AKAP13: variants seen among roughly 807,000 people sequenced by gnomAD.
The protein encoded by AKAP13 is A-kinase anchor protein 13.
Under a neutral mutation model 264.5 loss-of-function variants are expected in AKAP13, and 80 were observed. That is an observed-to-expected ratio of 0.30 (90% CI 0.25 to 0.36). The LOEUF is 0.36. Among genes scored for constraint, AKAP13 ranks in the 10% least tolerant of loss-of-function variants. The pLI, the probability that AKAP13 is intolerant of heterozygous loss-of-function variation, is 1.00. For missense variants in AKAP13, 3,712 were observed against 3,435.2 expected (o/e 1.08, Z -2.01); for synonymous variants, 1,380 against 1,250.2 (o/e 1.10, Z -2.19).
intron 4 of AKAP13, among the ~76,000 whole-genome samples, chr15:85,539,021 C>T (rs1260588304): frequency 9.3e-5 from 14 of 150,866 alleles, no homozygotes; most frequent in Non-Finnish European, 1.5e-4. Context: ...TTGGTAGAGA[C>T]GGGGTTTCAC....
intron 2 of AKAP13, among the ~76,000 whole-genome samples, chr15:85,495,940 A>G (rs944039527): frequency 6.6e-6 from 1 of 152,160 alleles, no homozygotes. Context: ...CAAAATCTCC[A>G]GTGATTTTAA....
At chr15:85,541,208 A>G (rs1223252512) in intron 4 of AKAP13, among the ~76,000 whole-genome samples, 1 of 152,258 alleles carries the variant, frequency 6.6e-6, no homozygotes, top group East Asian at 1.9e-4. Flanking sequence ...GTAACTACAT[A>G]TTGAATGCTA....
intron 9 of AKAP13, among the ~76,000 whole-genome samples, chr15:85,640,743 T>A (rs2082270381): frequency 6.6e-6 from 1 of 152,148 alleles, no homozygotes; most frequent in African/African-American, 2.4e-5. Flanking sequence ...AAAAGTGTAA[T>A]TAAAACCACC....
chr15:85,575,408 C>T (rs1014345415), intron 6 of AKAP13, 79 bp downstream of exon 6: 11 of 1,358,488 alleles, frequency 8.1e-6, no homozygotes, highest in Middle Eastern at 2.2e-4. Context: ...CGCCCTCCTC[C>T]AATGAACCTT....
rs376770235 is a variant in AKAP13, at chr15:85,512,390, C to T, written c.34-9038C>T. 1.8e-4 allele frequency among the ~76,000 whole-genome samples: 28 copies of T among 152,288 alleles called. No homozygotes were observed. The East Asian group carries it at 4.8e-3, about 26-fold the overall frequency. On this transcript the variant is annotated intron_variant, in intron 2 of 36. Coordinates refer to ENST00000394518, the MANE Select transcript of AKAP13 (RefSeq NM_007200.5). ...TCCACCTCCAGACTCTTCCATCTTT[C>T]TTGTTCTTAGCACCCTCTTTCTCCT... is the stretch of plus-strand genomic sequence containing the variant.
intron 1 of AKAP13, among the ~76,000 whole-genome samples, chr15:85,382,997 T>C (rs965530962): frequency 1.2e-4 from 18 of 152,194 alleles, no homozygotes; most frequent in African/African-American, 4.1e-4. Context: ...TGGGTTTAAC[T>C]AGCGCTCTAA....
chr15:85,583,260 AG>A, intron 7 of AKAP13: 1 of 832,050 alleles, frequency 1.2e-6, no homozygotes, highest in Non-Finnish European at 1.4e-6. Context: ...AATGTGGGGG[AG>A]GGTTATGGAG....
At chr15:85,711,497 T>C (rs2086632879) in intron 19 of AKAP13, among the ~76,000 whole-genome samples, 1 of 152,246 alleles carries the variant, frequency 6.6e-6, no homozygotes, top group Non-Finnish European at 1.5e-5. Flanking sequence ...CTTATGCTTA[T>C]ATGTTCTGCT....
At chr15:85,588,431 G>T (rs1424786176) in intron 8 of AKAP13, among the ~76,000 whole-genome samples, 1 of 152,154 alleles carries the variant, frequency 6.6e-6, no homozygotes, top group Non-Finnish European at 1.5e-5. Context: ...CTTAGAAAGG[G>T]AAGGAAAAAA....
Position 85,744,370 on chromosome 15 carries a change from A to T in AKAP13, c.8393-258A>T. On this transcript the variant is annotated intron_variant, in intron 36 of 36. Coordinates refer to ENST00000394518, the MANE Select transcript of AKAP13 (RefSeq NM_007200.5). ...CTCTCCTTTCTGTGTGGGAGGTTAA[A>T]GAAAAAGTACATTTTCCTGGCCTCT... 1.3e-5 allele frequency: 6 copies of T among 466,934 alleles called. No individual in the cohort carries two copies. The South Asian group carries it at 1.3e-4, about 10-fold the overall frequency. The allele number at this position is 466,934 out of a possible 1,614,324, so 28.9% of individuals were successfully genotyped here.
chr15:85,698,113 A>T (rs2085668940), intron 17 of AKAP13, among the ~76,000 whole-genome samples: 1 of 152,224 alleles, frequency 6.6e-6, no homozygotes, highest in Non-Finnish European at 1.5e-5. Context: ...CAATTTAAAT[A>T]TCCATCCATA....
chr15:85,442,487 T>G (rs866890032), intron 1 of AKAP13, among the ~76,000 whole-genome samples: 1 of 109,916 alleles, frequency 9.1e-6, no homozygotes, highest in Non-Finnish European at 1.8e-5. Flanking sequence ...ATATAATATA[T>G]ATAATATATA....
At chr15:85,387,024 T>C (rs2070599904) in intron 1 of AKAP13, among the ~76,000 whole-genome samples, 1 of 152,176 alleles carries the variant, frequency 6.6e-6, no homozygotes, top group African/African-American at 2.4e-5. Context: ...TTTTTCTTTT[T>C]CTTTTTTTTC....
At chr15:85,634,973 T>C in intron 8 of AKAP13, 2 of 396,576 alleles carry the variant, frequency 5.0e-6, no homozygotes, top group Non-Finnish European at 8.9e-6. Context: ...CATTTACCAT[T>C]TGATGGCAAT....
At chr15:85,674,842 A>C (rs338517) in intron 14 of AKAP13, among the ~76,000 whole-genome samples, 1 of 140,518 alleles carries the variant, frequency 7.1e-6, no homozygotes, top group Admixed American at 7.3e-5. Flanking sequence ...GTGTGTGTGT[A>C]TATATATATG....
At position 85,718,809 on chromosome 15, in the gene AKAP13, A is replaced by G; in HGVS notation, c.6002-267A>G. The G allele has an allele frequency of 2.5e-6, 1 of 406,268 alleles. No homozygotes were observed. The highest frequency in any genetic ancestry group is 4.5e-6 in the Non-Finnish European group (1 of 219,842). The allele number at this position is 406,268 out of a possible 1,614,324, so 25.2% of individuals were successfully genotyped here. On this transcript the variant is annotated intron_variant, in intron 22 of 36. Transcript: ENST00000394518. This position sits in a 1 kb window ranked among gnomAD's most constrained non-coding sequence, Gnocchi z 4.9. ...CAGCTGCTCGAGAGGCTAAAGCAGA[A>G]AGATCGCTTGAGCCCAGGAGGTTGA... is the stretch of plus-strand genomic sequence containing the variant.
intron 20 of AKAP13, 146 bp from the exon 21 acceptor site, chr15:85,717,144 G>A: frequency 3.6e-6 from 2 of 554,972 alleles, no homozygotes; most frequent in Middle Eastern, 4.4e-4. Context: ...GCATGTTGCT[G>A]TGGCCCCGAC....
chr15:85,415,056 C>G (rs1217871094), intron 1 of AKAP13, among the ~76,000 whole-genome samples: 2 of 152,100 alleles, frequency 1.3e-5, no homozygotes, highest in African/African-American at 4.8e-5. Flanking sequence ...ATTTTGCTCT[C>G]AGGTTTGGGG....
chr15:85,480,435 C>T (rs2075312827), intron 1 of AKAP13, among the ~76,000 whole-genome samples: 1 of 152,148 alleles, frequency 6.6e-6, no homozygotes, highest in African/African-American at 2.4e-5. Flanking sequence ...CCAGTAACCC[C>T]ACAGTATAGG....
Sources: gnomAD v4.1 joint callset for allele counts (sites outside exome capture counted in the v4.1 genomes callset) on GRCh38, gnomAD v4.1.1 for gene constraint, Gnocchi (gnomAD v3.1) non-coding constraint, MANE v1.5 for transcripts, NCBI Gene and HGNC (gene_info 2026-07-23, HGNC 2026-07-21) for gene names.